The following ITGB7 variants were observed in gnomAD, a reference collection of about 807,000 sequenced individuals.
ITGB7 encodes the protein integrin beta-7.
A neutral mutation model predicts 83.4 loss-of-function variants in ITGB7; 55 were observed. The observed-to-expected ratio is 0.66, with a 90% confidence interval of 0.53 to 0.83. The LOEUF (loss-of-function observed/expected upper bound fraction) is 0.83, where lower values mean the gene tolerates loss of function less well. ITGB7 is among the 40% of genes least tolerant of loss of function. ITGB7 has a pLI of 0.00. For synonymous variants in ITGB7, 454 were observed against 423.6 expected (o/e 1.07, Z -0.88); for missense variants, 921 against 1,046.7 (o/e 0.88, Z 1.66).
chr12:53,195,336 G>C (rs1413973349), intron 9 of ITGB7, 38 bp downstream of exon 9: 2 of 1,457,370 alleles, frequency 1.4e-6, no homozygotes, highest in Non-Finnish European at 1.9e-6. Context: ...TTTCCCTAGT[G>C]CCCACCCTCA....
At position 53,196,800 on chromosome 12, in the gene ITGB7, T is replaced by C. The variant is rs1432412727; in HGVS notation, c.595A>G (p.Lys199Glu). The C allele has an allele frequency of 1.9e-6, 3 of 1,600,744 alleles. No homozygotes were observed. The highest frequency in any genetic ancestry group is 2.2e-5 in the South Asian group (2 of 90,666). ...GTGCTCACAAAGGGCAGCACCGTTT[T>C]GTCCACAAAGGAACCAAAACCTGGG... ...VRIGFGSFVD[K>E]TVLPFVSTVP... The change falls in exon 6 of 16, where the codon AAA (lysine) becomes GAA (glutamate). Residue 199 changes from lysine to glutamate, a missense_variant. By Grantham distance (56) the Lys-to-Glu change is moderately conservative (BLOSUM62 1). Transcript: ENST00000267082.
At chr12:53,199,379 T>C (rs1170380339) in intron 3 of ITGB7, among the ~76,000 whole-genome samples, 1 of 152,158 alleles carries the variant, frequency 6.6e-6, no homozygotes, top group Non-Finnish European at 1.5e-5. Flanking sequence ...CAAGCCCATA[T>C]GCTTCCACCC....
At chr12:53,193,603 G>T in intron 11 of ITGB7, 105 bp downstream of exon 11, 1 of 1,027,714 alleles carries the variant, frequency 9.7e-7, no homozygotes, top group Non-Finnish European at 1.4e-6. Context: ...GAGTCGGGAT[G>T]TCGAGGAGAC....
chr12:53,196,567 C>T lies in ITGB7; in HGVS notation c.816+12G>A. The T allele has an allele frequency of 6.2e-7, 1 of 1,602,480 alleles. No individual in the cohort carries two copies. Among genetic ancestry groups the T allele is most frequent in the Non-Finnish European group, 8.5e-7 (1 of 1,171,004 alleles). On this transcript the variant is annotated intron_variant, in intron 6 of 15. Transcript: ENST00000267082. Reference sequence around the variant, plus strand: ...AGACCTCCAGGCTCAGATCCCCGCCCCACCTCCTCACCTGGCAGAGTGCAG... The same window carrying T: ...AGACCTCCAGGCTCAGATCCCCGCCTCACCTCCTCACCTGGCAGAGTGCAG...
At chr12:53,191,737 G>C (rs1475678018) in intron 15 of ITGB7, 101 bp from the exon 16 acceptor site, 1 of 1,518,116 alleles carries the variant, frequency 6.6e-7, no homozygotes, top group Non-Finnish European at 9.1e-7. Flanking sequence ...AGGAGCTGAT[G>C]GAAGTTAGCA....
In ITGB7 at chr12:53,197,941, G is replaced by T; in HGVS notation, c.212C>A (p.Ala71Glu). The T allele has an allele frequency of 6.5e-7, 1 of 1,540,972 alleles. No homozygotes were observed. Among genetic ancestry groups the T allele is most frequent in the Admixed American group, 1.9e-5 (1 of 52,054 alleles). ...GCGCCGCGCCTCCGCCTCTCCCGAC[G>T]CGGTGAAGTTCTGCTCAGCAAGAAA... ...CAWCKQLNFTASGEAEARRCA... is the reference protein window; with the variant it reads ...CAWCKQLNFTESGEAEARRCA... The change falls in exon 4 of 16, where the codon GCG becomes GAG. Residue 71 changes from alanine to glutamate, a missense_variant. Physicochemically the swap from Ala to Glu is moderately radical, Grantham distance 107. Transcript: ENST00000267082.
chr12:53,198,663 T>C (rs1391771126), intron 3 of ITGB7, among the ~76,000 whole-genome samples: 1 of 123,272 alleles, frequency 8.1e-6, no homozygotes, highest in South Asian at 2.8e-4. Flanking sequence ...TCCTCCCCAA[T>C]AGAGTCACAG....
intron 1 of ITGB7, among the ~76,000 whole-genome samples, chr12:53,204,294 C>T (rs1260881421): frequency 6.6e-6 from 1 of 151,552 alleles, no homozygotes; most frequent in Non-Finnish European, 1.5e-5. Context: ...GCAGGAAAAT[C>T]GCTTGAACCC....
In ITGB7 at chr12:53,193,247, T is replaced by C; in HGVS notation, c.1619A>G (p.Lys540Arg). 6.2e-7 allele frequency: 1 copy of C among 1,614,140 alleles called. No homozygotes were observed. The highest frequency in any genetic ancestry group is 1.1e-5 in the South Asian group (1 of 91,082). Residue 540 changes from lysine (K) to arginine (R), a missense_variant, in exon 12 of 16, where the codon AAG (lysine) becomes AGG (arginine). Lys to Arg is a conservative substitution (Grantham distance 26). Transcript: ENST00000267082. ...GCAGCGTCCACATTGACAGTGACCC[T>C]TTCCACTGCACAGGGGCCCTGTGCC... ...PNGTGPLCSG[K>R]GHCQCGRCSC... is the part of the protein sequence containing the mutation.
chr12:53,193,027 AC>A (rs1942021475), intron 12 of ITGB7, 112 bp downstream of exon 12: 1 of 1,354,760 alleles, frequency 7.4e-7, no homozygotes, highest in African/African-American at 1.4e-5. Flanking sequence ...ACACCCTCTA[AC>A]CCATACACCG....
At chr12:53,201,425 A>T (rs1942318991) in intron 1 of ITGB7, 1 of 152,188 alleles carries the variant, frequency 6.6e-6, no homozygotes, top group African/African-American at 2.4e-5. Context: ...GGATAAGGGG[A>T]GAAAGGCCAG....
intron 3 of ITGB7, 78 bp from the exon 4 acceptor site, chr12:53,198,029 C>T: frequency 8.2e-7 from 1 of 1,212,532 alleles, no homozygotes; most frequent in Non-Finnish European, 1.1e-6. Flanking sequence ...ACCCTGCAAA[C>T]CCGGCCACCT....
rs150629868 is a variant in ITGB7, at chr12:53,196,655, C to A, written c.740G>T (p.Gly247Val). ...GDAQAFEREV[G>V]RQSVSGNLDS... ...CAGATTGCCGGACACACTCTGGCGC[C>A]CCACCTCCCGCTCGAAGGCTTGTGC... Residue 247 changes from glycine to valine, a missense_variant, in exon 6 of 16, where the codon GGG becomes GTG. By Grantham distance (109) the Gly-to-Val change is moderately radical (BLOSUM62 -3). Transcript: ENST00000267082. 32 of 1,611,888 alleles carry A rather than the reference C, an allele frequency of 2.0e-5. No homozygotes were observed. The highest frequency in any genetic ancestry group is 2.6e-5 in the Non-Finnish European group (31 of 1,178,970).
chr12:53,197,887 C>T lies in ITGB7; in HGVS notation c.266G>A (p.Arg89Gln), dbSNP rs762766913. Reference sequence around the variant, plus strand: ...CTCCAGCTCCTCCAGCGGGCAGCCTCGAGCCAGCAGCTCCTCTCGTCGGGC... The same window carrying T: ...CTCCAGCTCCTCCAGCGGGCAGCCTTGAGCCAGCAGCTCCTCTCGTCGGGC... ...RCARREELLARGCPLEELEEP... is the reference protein window; with the variant it reads ...RCARREELLAQGCPLEELEEP... The change falls in exon 4 of 16, where the codon CGA becomes CAA. Residue 89 changes from arginine to glutamine, a missense_variant. Arg to Gln is a conservative substitution (Grantham distance 43). Transcript: ENST00000267082. 7.2e-6 allele frequency: 11 copies of T among 1,534,964 alleles called. No homozygotes were observed. The East Asian group carries it at 2.7e-4, about 38-fold the overall frequency.
chr12:53,195,489 T>C, intron 8 of ITGB7, 26 bp from the exon 9 acceptor site: 1 of 1,594,366 alleles, frequency 6.3e-7, no homozygotes, highest in Non-Finnish European at 8.6e-7. Flanking sequence ...TTAAGGGAAA[T>C]GGTGGGTCAC....
At chr12:53,195,510 A>G (rs764426923) in intron 8 of ITGB7, 47 bp from the exon 9 acceptor site, 11 of 1,556,996 alleles carry the variant, frequency 7.1e-6, no homozygotes, top group Non-Finnish European at 8.9e-6. Flanking sequence ...AGCTCTAGGA[A>G]AATGGGCTCC....
Position 53,195,711 on chromosome 12 carries a change from G to A in ITGB7, c.986C>T (p.Ser329Phe). 6.2e-7 allele frequency: 1 copy of A among 1,613,606 alleles called. No individual in the cohort carries two copies. The highest frequency in any genetic ancestry group is 8.5e-7 in the Non-Finnish European group (1 of 1,179,550). Residue 329 changes from serine (S) to phenylalanine (F), a missense_variant, in exon 8 of 16, where the codon TCT becomes TTT. Ser to Phe is a radical substitution (Grantham distance 155, BLOSUM62 -2). Transcript: ENST00000267082. Reference sequence around the variant, plus strand: ...GAGGGCCTGGGCTACCTGACCCACAGAAGGGTAGTCCTGGGACAGGGAGCA... The same window carrying A: ...GAGGGCCTGGGCTACCTGACCCACAAAAGGGTAGTCCTGGGACAGGGAGCA... ...YSRSTEFDYP[S>F]VGQVAQALSA...
At chr12:53,194,374 G>A (rs149878080) in intron 9 of ITGB7, 30 bp from the exon 10 acceptor site, 732 of 1,611,486 alleles carry the variant, frequency 4.5e-4, no homozygotes, top group Admixed American at 1.1e-3. Flanking sequence ...GGATAACCAC[G>A]TGAAGGCAGA....
At chr12:53,206,897 T>A (rs1942454957) in intron 1 of ITGB7, 1 of 152,258 alleles carries the variant, frequency 6.6e-6, no homozygotes, top group Non-Finnish European at 1.5e-5. Context: ...TTCGGTATAG[T>A]CCTTGGCACA....
Sources: allele counts gnomAD v4.1 joint callset (sites outside exome capture counted in the v4.1 genomes callset), GRCh38; gene constraint gnomAD v4.1.1; transcripts MANE v1.5; gene names NCBI Gene and HGNC (gene_info 2026-07-23, HGNC 2026-07-21).